Variants in IGSF11 observed in about 807,000 individuals in gnomAD.
The protein encoded by IGSF11 is immunoglobulin superfamily member 11, also known as CXADR like 1.
Under a neutral mutation model 41.0 loss-of-function variants are expected in IGSF11, and 22 were observed. The ratio of observed to expected loss-of-function variants is 0.54; its 90% CI spans 0.38 to 0.77. The LOEUF is 0.77. Ranked by LOEUF, IGSF11 falls within the 30% of genes least tolerant of loss-of-function variation. The probability of loss-of-function intolerance (pLI) is 0.00; values close to 1 mark genes in which losing one functional copy is unlikely to be tolerated. For synonymous variants in IGSF11, 219 were observed against 201.3 expected, an observed-to-expected ratio of 1.09 and a Z score of -0.74; for missense variants, 444 against 530.8, an observed-to-expected ratio of 0.84 and a Z score of 1.61.
At position 118,928,495 on chromosome 3, in the gene IGSF11, CTT is replaced by C. The variant is rs1942555519; in HGVS notation, c.424+12_424+13del. On this transcript the variant is annotated intron_variant, in intron 3 of 6. Transcript: ENST00000393775. ...AGTAAAGCCCGAACAGCCAAGGACT[CTT>C]GTGTCACTCACCTAACACTGTGAGA... 8.7e-6 allele frequency: 14 copies of C among 1,608,284 alleles called. No homozygotes were observed. Among genetic ancestry groups the C allele is most frequent in the African/African-American group, 1.3e-5 (1 of 74,792 alleles).
At chr3:119,026,055 G>A (rs571121949) in intron 1 of IGSF11, among the ~76,000 whole-genome samples, 3 of 152,242 alleles carry the variant, frequency 2.0e-5, no homozygotes, top group South Asian at 4.1e-4. Context: ...CGGATCACAA[G>A]GTCAGGAGTT....
chr3:118,916,498 A>G (rs1224362055), intron 4 of IGSF11, among the ~76,000 whole-genome samples: 1 of 151,848 alleles, frequency 6.6e-6, no homozygotes, highest in African/African-American at 2.4e-5. Context: ...CAAAGATCAA[A>G]AGAGACAATG....
intron 1 of IGSF11, among the ~76,000 whole-genome samples, chr3:119,029,363 A>G (rs1054723515): frequency 3.9e-5 from 6 of 152,076 alleles, no homozygotes; most frequent in Non-Finnish European, 8.8e-5. Flanking sequence ...TCATTAAACA[A>G]GGGGAAAATA....
chr3:119,057,341 G>C (rs1035908431), intron 1 of IGSF11, among the ~76,000 whole-genome samples: 6 of 151,988 alleles, frequency 3.9e-5, no homozygotes, highest in Non-Finnish European at 8.8e-5. Flanking sequence ...GACAAACAGA[G>C]AGCCAAATCA....
intron 1 of IGSF11, among the ~76,000 whole-genome samples, chr3:118,987,040 C>T (rs373164187): frequency 6.6e-6 from 1 of 152,134 alleles, no homozygotes; most frequent in South Asian, 2.1e-4. Flanking sequence ...TCCACTAAAC[C>T]CTTGCAACCT....
chr3:119,122,249 GAA>G (rs1416828126), intron 1 of IGSF11, among the ~76,000 whole-genome samples: 1 of 152,190 alleles, frequency 6.6e-6, no homozygotes, highest in African/African-American at 2.4e-5. Flanking sequence ...TGGGTAGAGA[GAA>G]CACAGCAATT....
intron 1 of IGSF11, among the ~76,000 whole-genome samples, chr3:119,064,033 C>T (rs1942140505): frequency 6.6e-6 from 1 of 152,158 alleles, no homozygotes; most frequent in Admixed American, 6.5e-5. Context: ...TGCAGAGTAG[C>T]GTTAGGTCCT....
chr3:118,983,488 T>A (rs1165002162), intron 1 of IGSF11: 1 of 152,126 alleles, frequency 6.6e-6, no homozygotes, highest in African/African-American at 2.4e-5. Context: ...AGTCTATAAG[T>A]CTTAAGAACA....
Position 119,092,645 on chromosome 3 carries a change from A to G in IGSF11, c.49+12499T>C, listed in dbSNP as rs142187801. On this transcript the variant is annotated intron_variant, in intron 1 of 6. Transcript: ENST00000354673. Reference sequence around the variant, plus strand: ...GTGCCCAGCCGTGTACAGTGTTTCTAAAGTCTACAGTAGTGTATAGTAATG... The same window carrying G: ...GTGCCCAGCCGTGTACAGTGTTTCTGAAGTCTACAGTAGTGTATAGTAATG... Among the ~76,000 whole-genome samples, 337 of 152,276 alleles carry G rather than the reference A, an allele frequency of 2.2e-3. 3 individuals carry two copies. The highest frequency in any genetic ancestry group is 7.4e-3 in the African/African-American group (309 of 41,564).
chr3:118,932,363 G>C (rs554658697), intron 1 of IGSF11, among the ~76,000 whole-genome samples: 1 of 152,182 alleles, frequency 6.6e-6, no homozygotes, highest in Non-Finnish European at 1.5e-5. Flanking sequence ...ATAACATACT[G>C]TTATGATTAC....
chr3:119,106,906 A>T (rs2107512648), upstream of IGSF11, among the ~76,000 whole-genome samples: 1 of 152,304 alleles, frequency 6.6e-6, no homozygotes, highest in African/African-American at 2.4e-5. Flanking sequence ...GTCCCTACAA[A>T]GGACATGAAC....
At chr3:118,973,922 AG>A (rs1027672179) in intron 1 of IGSF11, among the ~76,000 whole-genome samples, 3 of 152,090 alleles carry the variant, frequency 2.0e-5, no homozygotes, top group Non-Finnish European at 4.4e-5. Context: ...GCACACAGGG[AG>A]GGGAACAACA....
At position 119,081,238 on chromosome 3, in the gene IGSF11, TTCTG is replaced by T. The variant is rs1315777923; in HGVS notation, c.49+23902_49+23905del. ...CTTTTGCTCATTTTTATTCTCCTAT[TTCTG>T]TCTTTCACTTCTATTTTTGTCTCTA... On this transcript the variant is annotated intron_variant, in intron 1 of 6. Transcript: ENST00000354673. Among the ~76,000 whole-genome samples the T allele has an allele frequency of 2.6e-5, 4 of 152,122 alleles. No individual in the cohort carries two copies. In the East Asian group the frequency reaches 7.7e-4, roughly 29 times the overall value.
Position 119,016,084 on chromosome 3 carries a change from G to A in IGSF11, c.52+18447C>T, listed in dbSNP as rs1010307664. Among the ~76,000 whole-genome samples the A allele has an allele frequency of 3.3e-5, 5 of 152,320 alleles. 1 individual carries two copies. Among genetic ancestry groups the A allele is most frequent in the East Asian group, 1.9e-4 (1 of 5,178 alleles). ...GGCTGAGCTAGGAAGGTTAGGGATT[G>A]AGTAAGAGGCAGCATGGGAAAAGAA... On this transcript the variant is annotated intron_variant, in intron 1 of 6. Coordinates refer to ENST00000393775, the MANE Select transcript of IGSF11 (RefSeq NM_001015887.3).
intron 1 of IGSF11, among the ~76,000 whole-genome samples, chr3:119,067,525 A>G (rs1375277671): frequency 1.3e-5 from 2 of 152,198 alleles, no homozygotes; most frequent in Non-Finnish European, 2.9e-5. Flanking sequence ...TTCCTAAGTT[A>G]TCATGAGACT....
intron 1 of IGSF11, among the ~76,000 whole-genome samples, chr3:119,078,323 A>C (rs553835523): frequency 1.3e-5 from 2 of 152,202 alleles, no homozygotes; most frequent in African/African-American, 4.8e-5. Flanking sequence ...AACAGAGACC[A>C]TGACCAATGG....
rs1046436809 is a variant in IGSF11 at position 118,940,289 on chromosome 3, G to C, written c.53-10014C>G. Among the ~76,000 whole-genome samples the C allele has an allele frequency of 1.1e-4, 16 of 152,178 alleles. No homozygotes were observed. The South Asian group carries it at 2.3e-3, about 22-fold the overall frequency. On this transcript the variant is annotated intron_variant, in intron 1 of 6. Coordinates refer to ENST00000393775, the MANE Select transcript of IGSF11 (RefSeq NM_001015887.3). ...ACATCTACATTAAAAATTCTTACAA[G>C]TCTACAAAAAACCAACTAATTCTAA...
chr3:118,969,188 T>C (rs1465161130), intron 1 of IGSF11, among the ~76,000 whole-genome samples: 1 of 151,678 alleles, frequency 6.6e-6, no homozygotes, highest in East Asian at 1.9e-4. Flanking sequence ...TGCCAAGTGG[T>C]AAATATTAAA....
At chr3:118,946,217 C>A (rs1219259980) in intron 1 of IGSF11, among the ~76,000 whole-genome samples, 2 of 151,544 alleles carry the variant, frequency 1.3e-5, no homozygotes, top group East Asian at 3.9e-4. Context: ...CACACACACA[C>A]ACACACACAA....
Sources: gnomAD v4.1 joint callset for allele counts (sites outside exome capture counted in the v4.1 genomes callset) on GRCh38, gnomAD v4.1.1 for gene constraint, MANE v1.5 for transcripts, NCBI Gene and HGNC (gene_info 2026-07-23, HGNC 2026-07-21) for gene names.